NUBPL: variants seen among roughly 807,000 people sequenced by gnomAD.
The protein encoded by NUBPL is NUBP iron-sulfur cluster assembly factor, mitochondrial.
NUBPL carries 31 observed loss-of-function variants against 45.7 expected under a neutral mutation model. That is an observed-to-expected ratio of 0.68 (90% confidence interval 0.51 to 0.92). The LOEUF is 0.92. Among genes scored for constraint, NUBPL ranks in the 40% least tolerant of loss-of-function variants. The probability of loss-of-function intolerance (pLI) is 0.00; values close to 1 mark genes in which losing one functional copy is unlikely to be tolerated. For missense variants in NUBPL, 401 were observed against 398.7 expected (o/e 1.01, Z -0.05); for synonymous variants, 144 against 140.9 (o/e 1.02, Z -0.15).
chr14:31,738,984 G>A (rs543357295), intron 6 of NUBPL, among the ~76,000 whole-genome samples: 1 of 151,288 alleles, frequency 6.6e-6, no homozygotes, highest in African/African-American at 2.4e-5. Context: ...AAATATAATA[G>A]ACATATGTAG....
At chr14:31,617,116 T>A in intron 4 of NUBPL, among the ~76,000 whole-genome samples, 1 of 152,206 alleles carries the variant, frequency 6.6e-6, no homozygotes, top group Non-Finnish European at 1.5e-5. Flanking sequence ...TTTTTGCACA[T>A]TGGTTTTGTA....
At position 31,838,085 on chromosome 14, in the gene NUBPL, C is replaced by A. The variant is rs115581930; in HGVS notation, c.694-8386C>A. 7.1e-3 allele frequency among the ~76,000 whole-genome samples: 1,075 copies of A among 152,004 alleles called. 14 individuals are homozygous for A. Among genetic ancestry groups the A allele is most frequent in the African/African-American group, 0.023 (964 of 41,466 alleles). On this transcript the variant is annotated intron_variant, in intron 8 of 10. Coordinates refer to ENST00000281081, the MANE Select transcript of NUBPL (RefSeq NM_025152.3). ...TAAACAAGTAAACGGTTGAACAAGC[C>A]AGCACAATGAGAGTCTACTACACAT...
intron 3 of NUBPL, among the ~76,000 whole-genome samples, chr14:31,580,882 T>A (rs1043085341): frequency 3.9e-5 from 6 of 152,312 alleles, no homozygotes; most frequent in Non-Finnish European, 8.8e-5. Flanking sequence ...TAGAGGCATG[T>A]CATGCAAAGC....
intron 4 of NUBPL, among the ~76,000 whole-genome samples, chr14:31,605,746 TC>T (rs1197144076): frequency 2.6e-4 from 39 of 151,710 alleles, no homozygotes; most frequent in African/African-American, 8.9e-4. Flanking sequence ...TTCTTCTTCT[TC>T]CTTCCTTCCT....
rs549653515 is a variant in NUBPL, at chr14:31,573,570, A to G, written c.291+8522A>G. 1.8e-3 allele frequency among the ~76,000 whole-genome samples: 277 copies of G among 152,316 alleles called. 2 individuals are homozygous for G. The highest frequency in any genetic ancestry group is 1.8e-3 in the Non-Finnish European group (122 of 68,020). On this transcript the variant is annotated intron_variant, in intron 3 of 10. Coordinates refer to ENST00000281081, the MANE Select transcript of NUBPL (RefSeq NM_025152.3). Reference sequence around the variant, plus strand: ...TACCTATCTATGTTTTTTTGGTGGAATATAGCTGAAAGAATCATACAGTTA... The same window carrying G: ...TACCTATCTATGTTTTTTTGGTGGAGTATAGCTGAAAGAATCATACAGTTA...
chr14:31,723,420 T>C (rs775613736), intron 6 of NUBPL, among the ~76,000 whole-genome samples: 1 of 152,206 alleles, frequency 6.6e-6, no homozygotes, highest in Non-Finnish European at 1.5e-5. Context: ...GCCTTGGCTA[T>C]TCAGGTTCTT....
At chr14:31,839,639 ACAAT>A (rs2040337904) in intron 8 of NUBPL, among the ~76,000 whole-genome samples, 1 of 152,228 alleles carries the variant, frequency 6.6e-6, no homozygotes. Flanking sequence ...AGCCAAGAAA[ACAAT>A]CAACAGGGTG....
chr14:31,721,686 C>T (rs2037812161), intron 6 of NUBPL, among the ~76,000 whole-genome samples: 1 of 151,502 alleles, frequency 6.6e-6, no homozygotes, highest in African/African-American at 2.4e-5. Context: ...GAACTCATGT[C>T]CCGGGGGTTT....
chr14:31,788,786 G>A (rs1413616846), intron 7 of NUBPL, among the ~76,000 whole-genome samples: 1 of 152,060 alleles, frequency 6.6e-6, no homozygotes, highest in African/African-American at 2.4e-5. Flanking sequence ...GCAGGTTTTG[G>A]GTAGTCTCTG....
intron 8 of NUBPL, chr14:31,844,312 G>A (rs1194319542): frequency 6.6e-6 from 1 of 151,950 alleles, no homozygotes; most frequent in Non-Finnish European, 1.5e-5. Context: ...ATAATTTTTT[G>A]TTTAAATTGA....
intron 4 of NUBPL, among the ~76,000 whole-genome samples, chr14:31,628,731 G>C (rs918128980): frequency 2.6e-5 from 4 of 152,148 alleles, no homozygotes; most frequent in Admixed American, 2.6e-4. Context: ...GCTTTTCTTC[G>C]AGGTAGCTAT....
chr14:31,686,212 G>T (rs1299210328), intron 6 of NUBPL, among the ~76,000 whole-genome samples: 1 of 152,192 alleles, frequency 6.6e-6, no homozygotes, highest in East Asian at 1.9e-4. Context: ...CCTTTTGTTA[G>T]ATCTAGGATT....
intron 8 of NUBPL, among the ~76,000 whole-genome samples, chr14:31,840,820 C>T (rs1010926880): frequency 6.6e-6 from 1 of 152,098 alleles, no homozygotes; most frequent in Non-Finnish European, 1.5e-5. Context: ...AGAAATAGAA[C>T]ATTACCAGCA....
At chr14:31,600,134 C>T (rs2034391950) in intron 4 of NUBPL, among the ~76,000 whole-genome samples, 1 of 152,004 alleles carries the variant, frequency 6.6e-6, no homozygotes. Context: ...GTTGGTCAGG[C>T]TAGTCTTGAA....
At chr14:31,590,560 A>G (rs555153702) in intron 3 of NUBPL, among the ~76,000 whole-genome samples, 2 of 152,364 alleles carry the variant, frequency 1.3e-5, no homozygotes, top group African/African-American at 4.8e-5. Flanking sequence ...AGCTGCTCTC[A>G]GAATTATAAA....
chr14:31,686,922 C>T (rs570038280), intron 6 of NUBPL: 2 of 152,390 alleles, frequency 1.3e-5, no homozygotes, highest in South Asian at 4.1e-4. Flanking sequence ...TTGAGACCAA[C>T]ACGTGCGACA....
intron 6 of NUBPL, among the ~76,000 whole-genome samples, chr14:31,737,915 GTTTT>G (rs933807867): frequency 1.3e-4 from 20 of 151,950 alleles, no homozygotes; most frequent in African/African-American, 4.6e-4. Context: ...GAATTTTTTT[GTTTT>G]ATTTATTCTT....
chr14:31,628,397 A>G (rs1359307396), intron 4 of NUBPL, among the ~76,000 whole-genome samples: 1 of 152,224 alleles, frequency 6.6e-6, no homozygotes, highest in African/African-American at 2.4e-5. Context: ...TATAAAATAT[A>G]TTTTAAAATC....
At chr14:31,593,377 G>C (rs1406977807) in intron 3 of NUBPL, among the ~76,000 whole-genome samples, 1 of 151,830 alleles carries the variant, frequency 6.6e-6, no homozygotes, top group Non-Finnish European at 1.5e-5. Context: ...AGCCGGGTGT[G>C]CTGGGGGGCG....
Sources: gnomAD v4.1 joint callset for allele counts (sites outside exome capture counted in the v4.1 genomes callset) on GRCh38, gnomAD v4.1.1 for gene constraint, MANE v1.5 for transcripts, NCBI Gene and HGNC (gene_info 2026-07-23, HGNC 2026-07-21) for gene names.